The following PIK3AP1 variants were observed in gnomAD, a reference collection of about 807,000 sequenced individuals.
The protein encoded by PIK3AP1 is phosphoinositide-3-kinase adaptor protein 1, also known as phosphoinositide 3-kinase adapter protein 1.
A neutral mutation model predicts 88.1 loss-of-function variants in PIK3AP1; 21 were observed. The ratio of observed to expected loss-of-function variants is 0.24; its 90% CI spans 0.17 to 0.34. PIK3AP1 has a LOEUF of 0.34. PIK3AP1 is among the 10% of genes least tolerant of loss of function. PIK3AP1 has a pLI of 1.00. For synonymous variants in PIK3AP1, 398 were observed against 400.0 expected, an observed-to-expected ratio of 1.00 and a Z score of 0.06; for missense variants, 828 against 1,035.7, an observed-to-expected ratio of 0.80 and a Z score of 2.75.
At chr10:96,663,128 G>A (rs921211328) in intron 2 of PIK3AP1, among the ~76,000 whole-genome samples, 3 of 152,022 alleles carry the variant, frequency 2.0e-5, no homozygotes, top group Non-Finnish European at 4.4e-5. Context: ...GGTTGCTTTG[G>A]GCTGGGGAGA....
chr10:96,720,506 C>A lies in PIK3AP1; in HGVS notation c.-112G>T. On this transcript the variant is annotated 5_prime_UTR_variant, in exon 1 of 17. Coordinates refer to ENST00000339364, the MANE Select transcript of PIK3AP1 (RefSeq NM_152309.3). The surrounding 1 kb of genome is among the most constrained non-coding windows in gnomAD (Gnocchi z 4.6). ...GCGCCGGGCTCCGCGCGGGACCGGC[C>A]GCCGCTCTGGCGCTTCCTCCCTCAG... 9.9e-7 allele frequency: 1 copy of A among 1,011,366 alleles called. No homozygotes were observed. The highest frequency in any genetic ancestry group is 1.2e-6 in the Non-Finnish European group (1 of 801,104). 62.6% of individuals were successfully genotyped at this position (1,011,366 alleles called of 1,614,324 possible). A position where few individuals can be genotyped will look rare whatever the true frequency, so the allele number is the denominator to read the frequency against.
In PIK3AP1 at chr10:96,620,757, A is replaced by G. The variant is rs1031805356; in HGVS notation, c.1736-200T>C. 3 of 560,768 alleles carry G rather than the reference A, an allele frequency of 5.3e-6. No homozygotes were observed. In the East Asian group the frequency reaches 8.8e-5, roughly 16 times the overall value. The allele number at this position is 560,768 out of a possible 1,614,324, so 34.7% of individuals were successfully genotyped here. ...ATAATTCCAAGGCCTATCACACTGA[A>G]GTAGACAAGGCTGCAACATTTAAGG... is the stretch of plus-strand genomic sequence containing the variant. On this transcript the variant is annotated intron_variant, in intron 11 of 16. Coordinates refer to ENST00000339364, the MANE Select transcript of PIK3AP1 (RefSeq NM_152309.3).
intron 16 of PIK3AP1, among the ~76,000 whole-genome samples, chr10:96,599,172 A>G (rs868224993): frequency 6.6e-6 from 1 of 152,074 alleles, no homozygotes; most frequent in East Asian, 1.9e-4. Flanking sequence ...GACACACTGG[A>G]TATGAGAGCT....
chr10:96,620,273 A>C, intron 12 of PIK3AP1, 79 bp downstream of exon 12: 2 of 1,443,008 alleles, frequency 1.4e-6, no homozygotes, highest in Non-Finnish European at 1.9e-6. Flanking sequence ...AGCAATACAC[A>C]AGACAGCCAT....
intron 2 of PIK3AP1, among the ~76,000 whole-genome samples, chr10:96,697,394 C>A (rs1844235557): frequency 6.6e-6 from 1 of 152,134 alleles, no homozygotes; most frequent in Non-Finnish European, 1.5e-5. Flanking sequence ...ACATCTTCCT[C>A]TAGAGTCTAT....
intron 4 of PIK3AP1, among the ~76,000 whole-genome samples, chr10:96,652,082 C>T (rs1843546235): frequency 6.6e-6 from 1 of 151,832 alleles, no homozygotes. Flanking sequence ...TCATGAGCTG[C>T]TGTCATGACT....
At chr10:96,637,918 C>T (rs1843334377) in intron 8 of PIK3AP1, among the ~76,000 whole-genome samples, 1 of 152,212 alleles carries the variant, frequency 6.6e-6, no homozygotes, top group Non-Finnish European at 1.5e-5. Flanking sequence ...AGGACATACA[C>T]TAGCTGCTCT....
At chr10:96,597,134 G>A (rs1848769850) in intron 16 of PIK3AP1, among the ~76,000 whole-genome samples, 1 of 152,070 alleles carries the variant, frequency 6.6e-6, no homozygotes, top group South Asian at 2.1e-4. Flanking sequence ...AAAAAAAAAG[G>A]ATGGCCTCCT....
intron 1 of PIK3AP1, among the ~76,000 whole-genome samples, chr10:96,717,193 G>C (rs1844512756): frequency 6.8e-6 from 1 of 146,020 alleles, no homozygotes. Flanking sequence ...GGGAGGCAGA[G>C]TTTGCAGTGA....
rs960120450 is a variant in PIK3AP1, at chr10:96,594,202, A to G, written c.*1375T>C. ...ACTGAGCATGGTGGTAATAATAAGT[A>G]TGTAAAAAATAGATAACTACAGTCG... On this transcript the variant is annotated 3_prime_UTR_variant, in exon 17 of 17. Transcript: ENST00000339364. This position sits in a 1 kb window ranked among gnomAD's most constrained non-coding sequence, Gnocchi z 4.6. 5.3e-5 allele frequency: 8 copies of G among 152,208 alleles called. No individual in the cohort carries two copies. The highest frequency in any genetic ancestry group is 1.0e-4 in the Non-Finnish European group (7 of 68,042). The allele number at this position is 152,208 out of a possible 1,614,324, so 9.4% of individuals were successfully genotyped here.
At chr10:96,618,724 A>C (rs1843035453) in intron 12 of PIK3AP1, 2 of 152,284 alleles carry the variant, frequency 1.3e-5, no homozygotes, top group Admixed American at 6.5e-5. Context: ...GGTCAAGGTC[A>C]TCAAATAGCA....
chr10:96,697,550 C>T (rs1844237465), intron 2 of PIK3AP1, among the ~76,000 whole-genome samples: 1 of 152,114 alleles, frequency 6.6e-6, no homozygotes, highest in African/African-American at 2.4e-5. Context: ...TAGTGAGATC[C>T]TATCTCTACA....
chr10:96,609,027 C>T (rs961906924), intron 14 of PIK3AP1, among the ~76,000 whole-genome samples: 1 of 152,224 alleles, frequency 6.6e-6, no homozygotes, highest in Non-Finnish European at 1.5e-5. Context: ...ATGCATCAGG[C>T]TGTATTGTCT....
chr10:96,710,213 A>ATTAT (rs10636821), intron 1 of PIK3AP1, among the ~76,000 whole-genome samples: 52,834 of 149,808 alleles, frequency 0.35, 9,660 homozygotes, highest in Middle Eastern at 0.48. Context: ...ACGCTGTTTT[A>ATTAT]TTATTTATTT....
intron 12 of PIK3AP1, among the ~76,000 whole-genome samples, chr10:96,618,392 G>C (rs974592576): frequency 2.6e-5 from 4 of 152,156 alleles, no homozygotes; most frequent in Admixed American, 2.6e-4. Flanking sequence ...GTAATGATAA[G>C]ACACGTAAAT....
chr10:96,601,132 ATGCTTATGATTCTGCAGAAAGTTC>A (rs1564949685), intron 16 of PIK3AP1, among the ~76,000 whole-genome samples: 3 of 152,242 alleles, frequency 2.0e-5, no homozygotes, highest in African/African-American at 7.2e-5. Context: ...CAAGAACTCA[ATGCTTATGATTCTGCAGAAAGTTC>A]TGTTATTATC....
At chr10:96,710,105 C>CTGGAGGCA in intron 1 of PIK3AP1, 122 bp from the exon 2 acceptor site, 1 of 911,008 alleles carries the variant, frequency 1.1e-6, no homozygotes, top group Non-Finnish European at 1.6e-6. Flanking sequence ...TCGTGGTGTG[C>CTGGAGGCA]CTCCAGCACA....
chr10:96,662,737 C>G, intron 2 of PIK3AP1, among the ~76,000 whole-genome samples: 1 of 149,664 alleles, frequency 6.7e-6, no homozygotes, highest in Non-Finnish European at 1.5e-5. Flanking sequence ...AAAAAATTAG[C>G]CGGGCGCGGT....
chr10:96,663,282 A>G lies in PIK3AP1; in HGVS notation c.431-6348T>C, dbSNP rs183463182. Among the ~76,000 whole-genome samples the G allele has an allele frequency of 2.2e-3, 341 of 152,296 alleles. 1 individual carries two copies. Among genetic ancestry groups the G allele is most frequent in the African/African-American group, 7.8e-3 (323 of 41,558 alleles). On this transcript the variant is annotated intron_variant, in intron 2 of 16. Coordinates refer to ENST00000339364, the MANE Select transcript of PIK3AP1 (RefSeq NM_152309.3). ...TGTGAATATACGAAAAAAACATTGA[A>G]TTGTACACTTTAAATGGATAAATTG...
Sources: allele counts gnomAD v4.1 joint callset (sites outside exome capture counted in the v4.1 genomes callset), GRCh38; gene constraint gnomAD v4.1.1; non-coding constraint Gnocchi (gnomAD v3.1); transcripts MANE v1.5; gene names NCBI Gene and HGNC (gene_info 2026-07-23, HGNC 2026-07-21).